Variants in FRMD3 observed in about 807,000 individuals in gnomAD.
FRMD3 encodes FERM domain-containing protein 3.
A neutral mutation model predicts 70.2 loss-of-function variants in FRMD3; 33 were observed. That is an observed-to-expected ratio of 0.47 (90% CI 0.36 to 0.63). FRMD3 has a LOEUF of 0.63. Ranked by LOEUF, FRMD3 falls within the 20% of genes least tolerant of loss-of-function variation. The probability of loss-of-function intolerance (pLI) is 0.00; values close to 1 mark genes in which losing one functional copy is unlikely to be tolerated. For synonymous variants in FRMD3, 279 were observed against 255.9 expected (o/e 1.09, Z -0.86); for missense variants, 632 against 711.4 (o/e 0.89, Z 1.27).
At chr9:83,463,412 A>G (rs1211179297) in intron 1 of FRMD3, among the ~76,000 whole-genome samples, 1 of 152,212 alleles carries the variant, frequency 6.6e-6, no homozygotes, top group African/African-American at 2.4e-5. Context: ...TCATGGCAGA[A>G]GGGGAAGCAA....
chr9:83,294,179 G>C (rs1477755842), intron 12 of FRMD3, among the ~76,000 whole-genome samples: 3 of 152,190 alleles, frequency 2.0e-5, no homozygotes, highest in Admixed American at 2.0e-4. Context: ...AAAGAGGTCT[G>C]AGAGAGCTTG....
chr9:83,413,189 C>T (rs76801658), intron 1 of FRMD3, among the ~76,000 whole-genome samples: 6,378 of 152,218 alleles, frequency 0.042, 467 homozygotes, highest in African/African-American at 0.14. Flanking sequence ...CCTGTAAGTA[C>T]ATCAAAGTTT....
At chr9:83,567,115 G>A in the FRMD3 span, among the ~76,000 whole-genome samples, 2 of 152,324 alleles carry the variant, frequency 1.3e-5, no homozygotes, top group East Asian at 3.9e-4. Context: ...CTGAAATCTA[G>A]GCAGAGGTTC....
intron 13 of FRMD3, among the ~76,000 whole-genome samples, chr9:83,275,641 T>A (rs1203937840): frequency 6.6e-6 from 1 of 152,150 alleles, no homozygotes; most frequent in Non-Finnish European, 1.5e-5. Context: ...AAGCCACCCA[T>A]AGATTGTGCA....
chr9:83,536,346 G>C (rs1023538906), intron 1 of FRMD3, among the ~76,000 whole-genome samples: 1 of 152,132 alleles, frequency 6.6e-6, no homozygotes, highest in Non-Finnish European at 1.5e-5. Context: ...ACTTCATCCT[G>C]AGGGAGGGGA....
intron 1 of FRMD3, among the ~76,000 whole-genome samples, chr9:83,488,161 T>C (rs1209564895): frequency 6.6e-6 from 1 of 152,240 alleles, no homozygotes; most frequent in Non-Finnish European, 1.5e-5. Context: ...CAGTAATGCT[T>C]GTCTGCAATC....
At chr9:83,419,246 T>C (rs114406014) in intron 1 of FRMD3, among the ~76,000 whole-genome samples, 1,703 of 152,314 alleles carry the variant, frequency 0.011, 34 homozygotes, top group African/African-American at 0.039. Flanking sequence ...GTAATTCATC[T>C]GTATAACCGA....
At position 83,538,396 on chromosome 9, in the gene FRMD3, C is replaced by CGCGGCGG. The variant is rs1248880156; in HGVS notation, c.-166_-165insCCGCCGC. 1.0e-5 allele frequency: 5 copies of CGCGGCGG among 496,752 alleles called. No individual in the cohort carries two copies. Among genetic ancestry groups the CGCGGCGG allele is most frequent in the Non-Finnish European group, 1.6e-5 (5 of 319,394 alleles). 30.8% of individuals were successfully genotyped at this position (496,752 alleles called of 1,614,324 possible). A position where few individuals can be genotyped will look rare whatever the true frequency, so the allele number is the denominator to read the frequency against. On this transcript the variant is annotated 5_prime_UTR_variant, in exon 1 of 14. Transcript: ENST00000304195. This position sits in a 1 kb window ranked among gnomAD's most constrained non-coding sequence, Gnocchi z 4.7. ...GGACACACATGCCCAGCGGCCGGGG[C>CGCGGCGG]GCGGCGGGCGGGTCCCTCCCTCTGT...
At chr9:83,291,869 C>G (rs1170662167) in intron 12 of FRMD3, among the ~76,000 whole-genome samples, 2 of 152,170 alleles carry the variant, frequency 1.3e-5, no homozygotes, top group African/African-American at 4.8e-5. Flanking sequence ...TACCTTCTAG[C>G]CTGAGTGTTT....
chr9:83,369,001 C>T (rs181540317), intron 3 of FRMD3, among the ~76,000 whole-genome samples: 62 of 151,960 alleles, frequency 4.1e-4, no homozygotes, highest in Non-Finnish European at 8.4e-4. Context: ...ATTACAGGCA[C>T]GTTCCACCAC....
At chr9:83,565,890 T>C in the FRMD3 span, among the ~76,000 whole-genome samples, 5 of 152,228 alleles carry the variant, frequency 3.3e-5, no homozygotes, top group Admixed American at 3.3e-4. Context: ...CTAGTTATTC[T>C]GTTAACACTT....
intron 12 of FRMD3, chr9:83,297,766 G>C: frequency 2.1e-6 from 1 of 471,802 alleles, no homozygotes; most frequent in South Asian, 1.5e-5. Context: ...TCACATTACA[G>C]CTCCTCACCA....
At chr9:83,523,533 G>A (rs1829625760) in intron 1 of FRMD3, among the ~76,000 whole-genome samples, 1 of 152,158 alleles carries the variant, frequency 6.6e-6, no homozygotes, top group African/African-American at 2.4e-5. Flanking sequence ...CTAAAGAAAG[G>A]TTGGGGAAAG....
intron 1 of FRMD3, among the ~76,000 whole-genome samples, chr9:83,428,251 A>G (rs1306464688): frequency 3.9e-5 from 6 of 152,010 alleles, no homozygotes; most frequent in Non-Finnish European, 5.9e-5. Flanking sequence ...GGTGGTACAC[A>G]CCTGTAATCC....
chr9:83,348,830 C>T (rs967729554), intron 4 of FRMD3, among the ~76,000 whole-genome samples: 6 of 152,136 alleles, frequency 3.9e-5, no homozygotes, highest in African/African-American at 1.4e-4. Flanking sequence ...CCCAAAGTCA[C>T]CTCCATGCCA....
intron 11 of FRMD3, 23 bp downstream of exon 11, chr9:83,299,089 G>T: frequency 6.4e-7 from 1 of 1,550,738 alleles, no homozygotes; most frequent in Non-Finnish European, 8.9e-7. Flanking sequence ...CCCCCTCACT[G>T]AAATGGAACC....
chr9:83,294,933 C>T (rs966799694), intron 12 of FRMD3, among the ~76,000 whole-genome samples: 1 of 152,200 alleles, frequency 6.6e-6, no homozygotes, highest in African/African-American at 2.4e-5. Context: ...TCCACCTGAA[C>T]TCCTGAGGTA....
At chr9:83,375,241 G>T (rs1379983819) in intron 2 of FRMD3, among the ~76,000 whole-genome samples, 1 of 152,242 alleles carries the variant, frequency 6.6e-6, no homozygotes, top group African/African-American at 2.4e-5. Flanking sequence ...CAGGGAACAT[G>T]TAAGGCATGC....
the FRMD3 span, among the ~76,000 whole-genome samples, chr9:83,549,459 G>A: frequency 6.6e-6 from 1 of 151,972 alleles, no homozygotes; most frequent in African/African-American, 2.4e-5. Flanking sequence ...TATTCCTCTG[G>A]GTATACACCC....
Sources: allele counts gnomAD v4.1 joint callset (sites outside exome capture counted in the v4.1 genomes callset), GRCh38; gene constraint gnomAD v4.1.1; non-coding constraint Gnocchi (gnomAD v3.1); transcripts MANE v1.5; gene names NCBI Gene and HGNC (gene_info 2026-07-23, HGNC 2026-07-21).